Variants in DAB1 observed in about 807,000 individuals in gnomAD.
DAB1 encodes disabled homolog 1.
DAB1 carries 15 observed loss-of-function variants against 64.6 expected under a neutral mutation model. That is an observed-to-expected ratio of 0.23 (90% confidence interval 0.16 to 0.36). The LOEUF (loss-of-function observed/expected upper bound fraction) is 0.36. Ranked by LOEUF, DAB1 falls within the 10% of genes least tolerant of loss-of-function variation. DAB1 has a pLI of 1.00. For missense variants in DAB1, 596 were observed against 706.7 expected (o/e 0.84, Z 1.78); for synonymous variants, 235 against 251.9 (o/e 0.93, Z 0.64).
chr1:57,352,735 A>G (rs2100865555), intron 1 of DAB1, among the ~76,000 whole-genome samples: 1 of 152,286 alleles, frequency 6.6e-6, no homozygotes, highest in Non-Finnish European at 1.5e-5. Context: ...CTAGGGTATG[A>G]CATTTAATTT....
At chr1:57,086,519 T>G (rs1653087585) in intron 4 of DAB1, among the ~76,000 whole-genome samples, 1 of 152,102 alleles carries the variant, frequency 6.6e-6, no homozygotes, top group Admixed American at 6.6e-5. Context: ...TGGCAAAGTG[T>G]TTGTGAGCCG....
intron 5 of DAB1, among the ~76,000 whole-genome samples, chr1:58,093,326 G>A (rs78768493): frequency 0.012 from 1,823 of 152,188 alleles, 66 homozygotes; most frequent in South Asian, 0.1. Context: ...ACTTTAAAGC[G>A]GGGGTCCCTA....
At chr1:58,269,427 G>C (rs997496561) in intron 4 of DAB1, among the ~76,000 whole-genome samples, 1 of 149,798 alleles carries the variant, frequency 6.7e-6, no homozygotes, top group Non-Finnish European at 1.5e-5. Context: ...TTGGACATTT[G>C]GGTTGGTTCC....
At chr1:57,534,879 C>T (rs537844439) in intron 7 of DAB1, among the ~76,000 whole-genome samples, 3 of 152,298 alleles carry the variant, frequency 2.0e-5, no homozygotes, top group Admixed American at 6.5e-5. Flanking sequence ...CCTGGATCCT[C>T]ACTGTGCTGC....
At chr1:57,831,968 T>A (rs1652608590) in intron 1 of DAB1, among the ~76,000 whole-genome samples, 1 of 152,126 alleles carries the variant, frequency 6.6e-6, no homozygotes, top group Non-Finnish European at 1.5e-5. Context: ...CATATAAAAC[T>A]TACATTCCAG....
intron 6 of DAB1, among the ~76,000 whole-genome samples, chr1:57,794,995 C>G (rs1650775207): frequency 6.6e-6 from 1 of 152,166 alleles, no homozygotes; most frequent in African/African-American, 2.4e-5. Flanking sequence ...TAGCACCAGG[C>G]TATAACCATC....
chr1:57,026,286 T>C (rs1646784206), intron 9 of DAB1, among the ~76,000 whole-genome samples: 1 of 152,232 alleles, frequency 6.6e-6, no homozygotes, highest in South Asian at 2.1e-4. Flanking sequence ...GACTGCCCAT[T>C]AATCACTTCC....
chr1:57,569,119 G>A (rs1412667952), intron 7 of DAB1, among the ~76,000 whole-genome samples: 9 of 150,270 alleles, frequency 6.0e-5, no homozygotes, highest in South Asian at 2.2e-4. Flanking sequence ...TTAGCCGGGC[G>A]AGATGGCGGG....
chr1:57,033,868 G>C (rs1386533409), intron 9 of DAB1, among the ~76,000 whole-genome samples: 1 of 152,202 alleles, frequency 6.6e-6, no homozygotes. Context: ...ATGGATAAGA[G>C]CATGCTGTTT....
intron 4 of DAB1, among the ~76,000 whole-genome samples, chr1:58,154,918 T>C (rs1391689782): frequency 1.3e-5 from 2 of 152,296 alleles, no homozygotes; most frequent in East Asian, 1.9e-4. Context: ...TAAGGCATCA[T>C]GAAAGTAGCA....
chr1:58,390,681 G>A (rs546765079), intron 3 of DAB1, among the ~76,000 whole-genome samples: 24 of 152,280 alleles, frequency 1.6e-4, no homozygotes, highest in African/African-American at 5.5e-4. Flanking sequence ...AGGTAACACT[G>A]AGTGCTTCAT....
chr1:57,825,139 A>G (rs944452037), downstream of DAB1, among the ~76,000 whole-genome samples: 18 of 152,308 alleles, frequency 1.2e-4, 1 homozygote, highest in South Asian at 1.9e-3. Flanking sequence ...ATTTTATGCT[A>G]ACATAGTCAA....
chr1:57,358,018 A>T (rs527515091), intron 1 of DAB1, among the ~76,000 whole-genome samples: 121 of 152,190 alleles, frequency 8.0e-4, no homozygotes, highest in South Asian at 2.1e-3. Context: ...AACTCTACTG[A>T]AATTGTTTAT....
At chr1:57,934,119 GT>G (rs1385870604) in intron 5 of DAB1, among the ~76,000 whole-genome samples, 1 of 132,026 alleles carries the variant, frequency 7.6e-6, no homozygotes, top group African/African-American at 2.8e-5. Flanking sequence ...TAGAGACGAG[GT>G]TTCACCATGT....
chr1:57,226,670 A>ATATATATATAT (rs1553158272), intron 2 of DAB1, among the ~76,000 whole-genome samples: 2 of 119,504 alleles, frequency 1.7e-5, no homozygotes, highest in African/African-American at 4.0e-5. Context: ...GGTTAAAAAA[A>ATATATATATAT]AAATATATAT....
chr1:57,588,955 G>A (rs1360208471), intron 7 of DAB1, among the ~76,000 whole-genome samples: 1 of 152,004 alleles, frequency 6.6e-6, no homozygotes, highest in Non-Finnish European at 1.5e-5. Flanking sequence ...CATATGTTTG[G>A]CTGGGCGCGG....
intron 3 of DAB1, among the ~76,000 whole-genome samples, chr1:58,354,215 C>G (rs1378717182): frequency 6.6e-6 from 1 of 151,878 alleles, no homozygotes; most frequent in Non-Finnish European, 1.5e-5. Flanking sequence ...GTTTTTTTCA[C>G]TATGGTTATC....
At chr1:57,846,153 G>T (rs979222701) in intron 1 of DAB1, among the ~76,000 whole-genome samples, 8 of 152,008 alleles carry the variant, frequency 5.3e-5, no homozygotes, top group Admixed American at 1.3e-4. Context: ...TCAGAACTTG[G>T]TTTTTTTAAT....
chr1:57,173,626 C>T lies in DAB1; in HGVS notation c.68-28197G>A, dbSNP rs567096370. On this transcript the variant is annotated intron_variant, in intron 2 of 14. Coordinates refer to ENST00000371236, the MANE Select transcript of DAB1 (RefSeq NM_001365792.1). Reference sequence around the variant, plus strand: ...ACATTCTACAGCTAGCACTAGAGAGCTTTCTTAAATTAAGGCAAGCTTAAT... The same window carrying T: ...ACATTCTACAGCTAGCACTAGAGAGTTTTCTTAAATTAAGGCAAGCTTAAT... 6.6e-5 allele frequency among the ~76,000 whole-genome samples: 10 copies of T among 152,294 alleles called. No individual in the cohort carries two copies. In the South Asian group the frequency reaches 2.1e-3, roughly 32 times the overall value.
Sources: allele counts gnomAD v4.1 joint callset (sites outside exome capture counted in the v4.1 genomes callset), GRCh38; gene constraint gnomAD v4.1.1; transcripts MANE v1.5; gene names NCBI Gene and HGNC (gene_info 2026-07-23, HGNC 2026-07-21).